KMT2E: variants seen among roughly 807,000 people sequenced by gnomAD.
KMT2E encodes lysine methyltransferase 2E (inactive).
Under a neutral mutation model 184.6 loss-of-function variants are expected in KMT2E, and 30 were observed. The ratio of observed to expected loss-of-function variants is 0.16; its 90% CI spans 0.12 to 0.22. The LOEUF is 0.22. Among genes scored for constraint, KMT2E ranks in the 10% least tolerant of loss-of-function variants. The probability of loss-of-function intolerance (pLI) is 1.00; values close to 1 mark genes in which losing one functional copy is unlikely to be tolerated. For synonymous variants in KMT2E, 815 were observed against 776.5 expected (o/e 1.05, Z -0.82); for missense variants, 2,023 against 2,237.4 (o/e 0.90, Z 1.93).
intron 17 of KMT2E, chr7:105,102,807 G>C (rs1798711313): frequency 6.6e-6 from 1 of 152,178 alleles, no homozygotes; most frequent in Non-Finnish European, 1.5e-5. Flanking sequence ...GCTGTTTAGG[G>C]GTAGATCATG....
chr7:105,087,759 T>C (rs931626440), intron 13 of KMT2E, among the ~76,000 whole-genome samples: 3 of 151,548 alleles, frequency 2.0e-5, no homozygotes, highest in African/African-American at 7.3e-5. Flanking sequence ...CATTTGGATT[T>C]CTCTCTTGTG....
chr7:105,047,196 C>T (rs1221842747), intron 3 of KMT2E, among the ~76,000 whole-genome samples: 2 of 152,204 alleles, frequency 1.3e-5, no homozygotes, highest in Non-Finnish European at 2.9e-5. Context: ...TGAGGGATGG[C>T]ACGTAGGCAT....
At chr7:105,106,112 C>A in intron 19 of KMT2E, 109 bp downstream of exon 19, 3 of 1,107,260 alleles carry the variant, frequency 2.7e-6, no homozygotes, top group Non-Finnish European at 3.9e-6. Context: ...AAGAGAAGCA[C>A]ATTGGTGTAT....
intron 13 of KMT2E, among the ~76,000 whole-genome samples, chr7:105,087,927 T>C (rs564618023): frequency 6.6e-6 from 1 of 152,154 alleles, no homozygotes; most frequent in African/African-American, 2.4e-5. Flanking sequence ...TTTTAAACTT[T>C]GTGTGATACT....
At position 105,090,253 on chromosome 7, in the gene KMT2E, C is replaced by T. The variant is rs1391247491; in HGVS notation, c.1603C>T (p.Leu535=). ...ACAAAGAAAGCTTTCTCCACTGAGA[C>T]TATCAGTATCAAATAATCAGGTACT... The part of the protein sequence containing the change: ...TKQRKLSPLR[L]SVSNNQEPDF... The change falls in exon 14 of 27, where the codon CTA becomes TTA. Residue 535 remains leucine, a synonymous_variant. Coordinates refer to ENST00000311117, the MANE Select transcript of KMT2E (RefSeq NM_182931.3). 2.5e-6 allele frequency: 4 copies of T among 1,594,164 alleles called. No homozygotes were observed. Among genetic ancestry groups the T allele is most frequent in the Non-Finnish European group, 3.4e-6 (4 of 1,174,290 alleles).
Position 105,060,848 on chromosome 7 carries a change from A to G in KMT2E, c.72-1316A>G, listed in dbSNP as rs117036666. 3.0e-3 allele frequency among the ~76,000 whole-genome samples: 455 copies of G among 152,322 alleles called. 14 individuals are homozygous for G. In the East Asian group the frequency reaches 0.062, roughly 21 times the overall value. ...ATTCAGCGCATAACATGCTGTATAG[A>G]TTTGTAGCCTAGGAGCAATAGTTAT... On this transcript the variant is annotated intron_variant, in intron 3 of 26. Transcript: ENST00000311117.
chr7:105,028,904 T>C (rs1454364579), intron 1 of KMT2E, among the ~76,000 whole-genome samples: 1 of 152,142 alleles, frequency 6.6e-6, no homozygotes, highest in Non-Finnish European at 1.5e-5. Context: ...TGTTGATCCT[T>C]ATAAAGGACT....
chr7:105,073,175 G>A (rs1413292381), intron 6 of KMT2E, among the ~76,000 whole-genome samples: 1 of 151,450 alleles, frequency 6.6e-6, no homozygotes, highest in African/African-American at 2.4e-5. Context: ...TTGGGAGGCA[G>A]GGGTGGGAGG....
rs2129570176 is a variant in KMT2E at position 105,112,019 on chromosome 7, T to C, written c.4263T>C (p.Val1421=). 6.2e-7 allele frequency: 1 copy of C among 1,614,172 alleles called. No individual in the cohort carries two copies. The highest frequency in any genetic ancestry group is 2.2e-5 in the East Asian group (1 of 44,888). The change falls in exon 27 of 27, where the codon GTT becomes GTC. Residue 1421 remains valine (V), a synonymous_variant. Coordinates refer to ENST00000311117, the MANE Select transcript of KMT2E (RefSeq NM_182931.3). ...LSKNHPPQTH[V]RNSSEQLSQK... ...AGAATCATCCTCCTCAGACACACGT[T>C]CGTAATTCATCTGAGCAACTTTCAC... is the stretch of plus-strand genomic sequence containing the variant.
In KMT2E at chr7:105,101,874, AT is replaced by A; in HGVS notation, c.1888-8del. 1 of 1,590,642 alleles carries A rather than the reference AT, an allele frequency of 6.3e-7. No individual in the cohort carries two copies. Among genetic ancestry groups the A allele is most frequent in the South Asian group, 1.2e-5 (1 of 86,278 alleles). On this transcript the variant is annotated splice_polypyrimidine_tract_variant and intron_variant, in intron 16 of 26. Coordinates refer to ENST00000311117, the MANE Select transcript of KMT2E (RefSeq NM_182931.3). Reference sequence around the variant, plus strand: ...AGTATAAAAACTTCCATTCGCTTGTATTTTGAATTAGGAACAAGCAAAAGAA... The same window carrying A: ...AGTATAAAAACTTCCATTCGCTTGTATTTGAATTAGGAACAAGCAAAAGAA...
intron 5 of KMT2E, among the ~76,000 whole-genome samples, chr7:105,065,577 T>A (rs1796994532): frequency 1.3e-5 from 2 of 152,166 alleles, no homozygotes; most frequent in African/African-American, 4.8e-5. Flanking sequence ...TTCCTATACA[T>A]AAATACCTAT....
intron 3 of KMT2E, among the ~76,000 whole-genome samples, chr7:105,042,831 T>C (rs971822241): frequency 6.6e-6 from 1 of 152,120 alleles, no homozygotes; most frequent in African/African-American, 2.4e-5. Context: ...TCTGAAGGAG[T>C]ATATTGAGAA....
chr7:105,040,857 G>C lies in KMT2E; in HGVS notation c.-96G>C. Reference sequence around the variant, plus strand: ...TAAACAGGGTTTGTGGATGCACTTAGATGTTTGCAATGAGCACTGTGGCTG... The same window carrying C: ...TAAACAGGGTTTGTGGATGCACTTACATGTTTGCAATGAGCACTGTGGCTG... On this transcript the variant is annotated 5_prime_UTR_variant, in exon 3 of 27. Transcript: ENST00000311117. 1.3e-6 allele frequency: 1 copy of C among 787,166 alleles called. No individual in the cohort carries two copies. 48.8% of individuals were successfully genotyped at this position (787,166 alleles called of 1,614,324 possible).
chr7:105,026,547 T>G, intron 1 of KMT2E, among the ~76,000 whole-genome samples: 1 of 152,210 alleles, frequency 6.6e-6, no homozygotes, highest in East Asian at 1.9e-4. Flanking sequence ...ATGATTGTGT[T>G]GGTTAACATC....
chr7:105,110,176 G>A (rs1407670588), intron 23 of KMT2E, 104 bp from the exon 24 acceptor site: 5 of 897,728 alleles, frequency 5.6e-6, no homozygotes, highest in African/African-American at 1.7e-5. Context: ...TATTTTCCCA[G>A]TAGATCAAAA....
At chr7:105,105,812 C>G (rs546807420) in intron 18 of KMT2E, 47 bp from the exon 19 acceptor site, 1 of 1,586,684 alleles carries the variant, frequency 6.3e-7, no homozygotes, top group East Asian at 2.2e-5. Context: ...GCTATATAAA[C>G]AGCTACAAAG....
Position 105,113,259 on chromosome 7 carries a change from G to A in KMT2E, c.5503G>A (p.Gly1835Arg), listed in dbSNP as rs746222430. 3.1e-6 allele frequency: 5 copies of A among 1,614,180 alleles called. No homozygotes were observed. The South Asian group carries it at 3.3e-5, about 11-fold the overall frequency. Reference sequence around the variant, plus strand: ...ACCTCAGCAGGCATCTCCAGTGCCTGGACAGATTCCAATTCACAGAGCACA... The same window carrying A: ...ACCTCAGCAGGCATCTCCAGTGCCTAGACAGATTCCAATTCACAGAGCACA... The part of the protein sequence containing the change: ...QGPQQASPVP[G>R]QIPIHRAQVP... The change falls in exon 27 of 27, where the codon GGA becomes AGA. Residue 1835 changes from glycine (G) to arginine (R), a missense_variant. Coordinates refer to ENST00000311117, the MANE Select transcript of KMT2E (RefSeq NM_182931.3).
intron 3 of KMT2E, among the ~76,000 whole-genome samples, chr7:105,045,093 A>G (rs1796043677): frequency 1.3e-5 from 2 of 152,182 alleles, no homozygotes; most frequent in African/African-American, 4.8e-5. Context: ...GTCCATTCAG[A>G]TGTCCAAATC....
intron 17 of KMT2E, 97 bp downstream of exon 17, chr7:105,102,291 A>T: frequency 1.0e-6 from 1 of 974,498 alleles, no homozygotes; most frequent in Non-Finnish European, 1.5e-6. Context: ...CCTCATAATA[A>T]TAAGAGGCAG....
Sources: allele counts gnomAD v4.1 joint callset (sites outside exome capture counted in the v4.1 genomes callset), GRCh38; gene constraint gnomAD v4.1.1; transcripts MANE v1.5; gene names NCBI Gene and HGNC (gene_info 2026-07-23, HGNC 2026-07-21).